Variants in ZDHHC24 observed in about 807,000 individuals in gnomAD.
The protein encoded by ZDHHC24 is probable palmitoyltransferase ZDHHC24.
In ZDHHC24, 17 loss-of-function variants were observed where a neutral mutation model predicts 23.2. The ratio of observed to expected loss-of-function variants is 0.73; its 90% CI spans 0.50 to 1.10. ZDHHC24 has a LOEUF of 1.10. ZDHHC24 is among the 50% of genes least tolerant of loss of function. ZDHHC24 has a pLI of 0.00. For missense variants in ZDHHC24, 366 were observed against 393.0 expected (o/e 0.93, Z 0.58); for synonymous variants, 186 against 194.5 (o/e 0.96, Z 0.36).
downstream of ZDHHC24, among the ~76,000 whole-genome samples, chr11:66,535,038 A>G (rs947595677): frequency 3.3e-5 from 5 of 152,164 alleles, no homozygotes; most frequent in Admixed American, 6.5e-5. Flanking sequence ...GATTACAGGC[A>G]TGCACCACTG....
chr11:66,526,104 C>T, intron 4 of ZDHHC24: 1 of 1,613,810 alleles, frequency 6.2e-7, no homozygotes, highest in East Asian at 2.2e-5. Flanking sequence ...CCCAACTAAA[C>T]TCTGACGTCT....
chr11:66,540,291 C>T (rs1345898127), intron 2 of ZDHHC24, among the ~76,000 whole-genome samples: 3 of 151,882 alleles, frequency 2.0e-5, no homozygotes, highest in South Asian at 2.1e-4. Context: ...TGGTGGCAGG[C>T]GCCTGTAATC....
rs1856984895 is a variant in ZDHHC24, at chr11:66,536,866, C to T, written c.*2663G>A. 2 of 151,742 alleles carry T rather than the reference C, an allele frequency of 1.3e-5. No individual in the cohort carries two copies. Among genetic ancestry groups the T allele is most frequent in the African/African-American group, 4.8e-5 (2 of 41,332 alleles). 9.4% of individuals were successfully genotyped at this position (151,742 alleles called of 1,614,324 possible). On this transcript the variant is annotated 3_prime_UTR_variant, in exon 3 of 3. Transcript: ENST00000310442. ...TCCAGCCTGGGTAACAAGAGTGAAA[C>T]TCTGTCTCAAAAAATAAAAAGAGAA... is the stretch of plus-strand genomic sequence containing the variant.
intron 3 of ZDHHC24, among the ~76,000 whole-genome samples, chr11:66,528,831 G>T (rs1856628796): frequency 6.6e-6 from 1 of 151,958 alleles, no homozygotes; most frequent in South Asian, 2.1e-4. Flanking sequence ...AGCCAGGCTT[G>T]GCGGCGCGTG....
intron 4 of ZDHHC24, chr11:66,524,358 A>C (rs190747070): frequency 7.7e-5 from 20 of 261,174 alleles, no homozygotes; most frequent in African/African-American, 3.8e-4. Context: ...AATGATGACT[A>C]AGTCCTTGTT....
chr11:66,534,052 C>T (rs1278149814), downstream of ZDHHC24, among the ~76,000 whole-genome samples: 1 of 151,674 alleles, frequency 6.6e-6, no homozygotes, highest in Non-Finnish European at 1.5e-5. Flanking sequence ...ACCTGTAGTT[C>T]CAGCTACTTG....
chr11:66,535,295 G>A (rs555732449), downstream of ZDHHC24, among the ~76,000 whole-genome samples: 23 of 151,620 alleles, frequency 1.5e-4, no homozygotes, highest in Non-Finnish European at 2.8e-4. Flanking sequence ...CTGCAGCCTC[G>A]ACCTGCTGAG....
rs750177881 is a variant in ZDHHC24 at position 66,539,840 on chromosome 11, A to T, written c.560-16T>A. 1 of 1,575,418 alleles carries T rather than the reference A, an allele frequency of 6.3e-7. No individual in the cohort carries two copies. Among genetic ancestry groups the T allele is most frequent in the Non-Finnish European group, 8.6e-7 (1 of 1,159,604 alleles). On this transcript the variant is annotated splice_polypyrimidine_tract_variant and intron_variant, in intron 2 of 2. Transcript: ENST00000310442. ...GACACTCTGCCTGCAATAAAAGAGC[A>T]GAGAGGGTCAGGGAGGGGCAGTGGG... is the stretch of plus-strand genomic sequence containing the variant.
intron 1 of ZDHHC24, among the ~76,000 whole-genome samples, chr11:66,544,708 A>T (rs534085623): frequency 2.6e-5 from 4 of 152,264 alleles, no homozygotes; most frequent in Admixed American, 6.5e-5. Flanking sequence ...ATATTATTTT[A>T]AAAATTAATT....
exon 5 of ZDHHC24, chr11:66,521,124 C>G: frequency 1.4e-6 from 1 of 714,228 alleles, no homozygotes; most frequent in Non-Finnish European, 2.5e-6. Flanking sequence ...CCAAGTTTCC[C>G]TCCTGAAAAA....
intron 4 of ZDHHC24, chr11:66,526,542 T>A: frequency 7.2e-7 from 1 of 1,394,562 alleles, no homozygotes; most frequent in South Asian, 1.2e-5. Flanking sequence ...GGAAGACGGA[T>A]GTGTACAGAA....
chr11:66,526,081 TC>T, intron 4 of ZDHHC24: 1 of 1,601,870 alleles, frequency 6.2e-7, no homozygotes, highest in Non-Finnish European at 8.6e-7. Flanking sequence ...TGCTTTCCTC[TC>T]CAAGATATTT....
At position 66,523,529 on chromosome 11, in the gene ZDHHC24, C is replaced by T. The variant is rs762268360; in HGVS notation, c.*22-2063G>A. 1.2e-6 allele frequency: 2 copies of T among 1,614,146 alleles called. No individual in the cohort carries two copies. Among genetic ancestry groups the T allele is most frequent in the South Asian group, 1.1e-5 (1 of 91,078 alleles). On this transcript the variant is annotated intron_variant, in intron 4 of 4. Transcript: ENST00000526986. ...GGGACTTATCCGGGTACACAAGGTC[C>T]TAGTGGTGGGCAGCACCCAAGACAG...
chr11:66,525,506 T>C (rs1336070241), intron 4 of ZDHHC24, among the ~76,000 whole-genome samples: 1 of 151,234 alleles, frequency 6.6e-6, no homozygotes, highest in Non-Finnish European at 1.5e-5. Context: ...GAGGTTGCAG[T>C]GAGCTGGAGA....
intron 2 of ZDHHC24, chr11:66,529,923 GC>G: frequency 6.2e-7 from 1 of 1,605,204 alleles, no homozygotes; most frequent in Non-Finnish European, 8.5e-7. Flanking sequence ...GTCCACGACA[GC>G]CCGAGAGCCA....
At chr11:66,544,678 C>T (rs1565299130) in intron 1 of ZDHHC24, among the ~76,000 whole-genome samples, 1 of 152,102 alleles carries the variant, frequency 6.6e-6, no homozygotes, top group Non-Finnish European at 1.5e-5. Context: ...ATGAGGTCTA[C>T]CTTGACCACA....
chr11:66,527,040 G>C (rs1565288110), intron 3 of ZDHHC24: 1 of 1,535,264 alleles, frequency 6.5e-7, no homozygotes, highest in East Asian at 2.4e-5. Context: ...TAGAATTCAG[G>C]GAAGGGAGCA....
chr11:66,540,604 C>T (rs28672995), intron 2 of ZDHHC24, among the ~76,000 whole-genome samples: 3,000 of 150,450 alleles, frequency 0.02, 87 homozygotes, highest in African/African-American at 0.069. Flanking sequence ...TGCGCACGCC[C>T]GTAATCCCAG....
At chr11:66,531,110 G>C, downstream of ZDHHC24, 1 of 1,574,704 alleles carries the variant, frequency 6.4e-7, no homozygotes, top group Non-Finnish European at 8.6e-7. Flanking sequence ...GCCCCGCCAG[G>C]TCAGGGTCAG....
Sources: allele counts gnomAD v4.1 joint callset (sites outside exome capture counted in the v4.1 genomes callset), GRCh38; gene constraint gnomAD v4.1.1; transcripts MANE v1.5; gene names NCBI Gene and HGNC (gene_info 2026-07-23, HGNC 2026-07-21).